The following CADM2 variants were observed in gnomAD, a reference collection of about 807,000 sequenced individuals.
CADM2 encodes the protein cell adhesion molecule 2, also known as immunoglobulin superfamily member 4D.
CADM2 carries 12 observed loss-of-function variants against 49.8 expected under a neutral mutation model. That is an observed-to-expected ratio of 0.24 (90% CI 0.15 to 0.39). CADM2 has a LOEUF of 0.39. Among genes scored for constraint, CADM2 ranks in the 10% least tolerant of loss-of-function variants. CADM2 has a pLI of 1.00. For synonymous variants in CADM2, 214 were observed against 175.4 expected (o/e 1.22, Z -1.74); for missense variants, 378 against 492.3 (o/e 0.77, Z 2.20).
rs1045400422 is a variant in CADM2, at chr3:85,704,670, T to C, written c.62-21852T>C. The stretch of plus-strand genomic sequence containing the variant: ...CAGTGTGGTTTAGGATTTCAACATA[T>C]GAGTTTTGTGGGAACATAAATATTT... On this transcript the variant is annotated intron_variant, in intron 1 of 9. Coordinates refer to ENST00000383699, the MANE Select transcript of CADM2 (RefSeq NM_001167675.2). Among the ~76,000 whole-genome samples the C allele has an allele frequency of 2.6e-5, 4 of 151,992 alleles. No homozygotes were observed. In the East Asian group the frequency reaches 5.8e-4, roughly 22 times the overall value.
intron 1 of CADM2, among the ~76,000 whole-genome samples, chr3:85,439,351 C>T (rs1457195488): frequency 6.6e-6 from 1 of 151,740 alleles, no homozygotes. Flanking sequence ...TGGGGTTTCA[C>T]CATGTTGTCC....
At chr3:85,896,432 T>C (rs1715225108) in intron 5 of CADM2, among the ~76,000 whole-genome samples, 1 of 152,232 alleles carries the variant, frequency 6.6e-6, no homozygotes, top group Admixed American at 6.5e-5. Context: ...ATAAGAAATG[T>C]ATAAGTTTTA....
chr3:85,909,514 A>G (rs574952117), intron 5 of CADM2, among the ~76,000 whole-genome samples: 1 of 151,976 alleles, frequency 6.6e-6, no homozygotes, highest in Admixed American at 6.6e-5. Flanking sequence ...CACTATTCCC[A>G]CTCCATCTTT....
At chr3:85,444,191 A>G (rs2037340822) in intron 1 of CADM2, among the ~76,000 whole-genome samples, 2 of 152,062 alleles carry the variant, frequency 1.3e-5, no homozygotes, top group African/African-American at 2.4e-5. Flanking sequence ...GTCTTTTCCG[A>G]AAAAGCTGCG....
chr3:85,841,703 T>C (rs1290985935), intron 3 of CADM2, among the ~76,000 whole-genome samples: 1 of 152,000 alleles, frequency 6.6e-6, no homozygotes, highest in African/African-American at 2.4e-5. Flanking sequence ...CATATTTCTT[T>C]GGATTAACAG....
chr3:85,122,094 C>A (rs1575919995), intron 1 of CADM2, among the ~76,000 whole-genome samples: 1 of 151,952 alleles, frequency 6.6e-6, no homozygotes, highest in Admixed American at 6.6e-5. Flanking sequence ...TGACCTCTAA[C>A]TCCTTCAGTC....
At chr3:85,702,211 C>T (rs2066801896) in intron 1 of CADM2, among the ~76,000 whole-genome samples, 1 of 152,016 alleles carries the variant, frequency 6.6e-6, no homozygotes, top group Non-Finnish European at 1.5e-5. Flanking sequence ...TTTGTTTTTT[C>T]TTTCACATTC....
At chr3:85,719,610 A>T (rs1156982766) in intron 1 of CADM2, among the ~76,000 whole-genome samples, 1 of 152,232 alleles carries the variant, frequency 6.6e-6, no homozygotes, top group East Asian at 1.9e-4. Context: ...GGATCATTAT[A>T]GGATCTGAAT....
intron 1 of CADM2, among the ~76,000 whole-genome samples, chr3:85,158,772 C>T (rs531367707): frequency 1.3e-5 from 2 of 151,982 alleles, no homozygotes; most frequent in East Asian, 3.9e-4. Context: ...AGCACACCAG[C>T]ATGGCAGATG....
chr3:85,145,291 T>G (rs1261186397), intron 1 of CADM2, among the ~76,000 whole-genome samples: 1 of 152,216 alleles, frequency 6.6e-6, no homozygotes. Flanking sequence ...GTGGTTGAAT[T>G]TTTGTAAAGA....
intron 1 of CADM2, among the ~76,000 whole-genome samples, chr3:85,452,632 G>T (rs2037803196): frequency 6.6e-6 from 1 of 152,078 alleles, no homozygotes; most frequent in African/African-American, 2.4e-5. Context: ...CTTTGAAAGA[G>T]CTTTTTGCAA....
intron 1 of CADM2, among the ~76,000 whole-genome samples, chr3:85,165,083 T>C (rs2040433850): frequency 6.6e-6 from 1 of 151,784 alleles, no homozygotes; most frequent in Non-Finnish European, 1.5e-5. Flanking sequence ...CCCAGTATAA[T>C]GGGATTTTAA....
At chr3:85,302,953 G>A (rs1175047933) in intron 1 of CADM2, among the ~76,000 whole-genome samples, 2 of 151,960 alleles carry the variant, frequency 1.3e-5, no homozygotes, top group African/African-American at 2.4e-5. Context: ...ATATTGAGTA[G>A]TTATAACAAT....
intron 1 of CADM2, among the ~76,000 whole-genome samples, chr3:85,635,552 C>A (rs2064444664): frequency 6.6e-6 from 1 of 152,156 alleles, no homozygotes; most frequent in Non-Finnish European, 1.5e-5. Flanking sequence ...TCAAATATTA[C>A]AACTAAAAGA....
intron 1 of CADM2, among the ~76,000 whole-genome samples, chr3:85,018,203 T>G (rs1270720962): frequency 6.6e-6 from 1 of 152,190 alleles, no homozygotes; most frequent in African/African-American, 2.4e-5. Context: ...ACATAGAGTT[T>G]CATATCAGGA....
At chr3:85,483,380 A>G (rs1248301132) in intron 1 of CADM2, among the ~76,000 whole-genome samples, 3 of 151,286 alleles carry the variant, frequency 2.0e-5, no homozygotes, top group Non-Finnish European at 4.4e-5. Context: ...AATTTTGCAT[A>G]TGTTTGTGTA....
chr3:85,979,203 C>A (rs779942764), intron 8 of CADM2: 2 of 1,611,042 alleles, frequency 1.2e-6, no homozygotes, highest in South Asian at 2.2e-5. Context: ...ATCATCCCCT[C>A]CCTTACCACT....
At chr3:85,668,379 A>G (rs1396017144) in intron 1 of CADM2, among the ~76,000 whole-genome samples, 2 of 151,942 alleles carry the variant, frequency 1.3e-5, no homozygotes, top group Admixed American at 6.6e-5. Context: ...TGGAAATAAT[A>G]AATACATTAG....
intron 7 of CADM2, among the ~76,000 whole-genome samples, chr3:85,942,696 G>C (rs1470573676): frequency 6.6e-6 from 1 of 151,748 alleles, no homozygotes; most frequent in African/African-American, 2.4e-5. Context: ...AGTATTCCAT[G>C]GTGTATATGT....
Sources: allele counts gnomAD v4.1 joint callset (sites outside exome capture counted in the v4.1 genomes callset), GRCh38; gene constraint gnomAD v4.1.1; transcripts MANE v1.5; gene names NCBI Gene and HGNC (gene_info 2026-07-23, HGNC 2026-07-21).